XKR6: variants seen among roughly 807,000 people sequenced by gnomAD.
XKR6 encodes the protein XK related 6.
A neutral mutation model predicts 56.7 loss-of-function variants in XKR6; 22 were observed. The ratio of observed to expected loss-of-function variants is 0.39; its 90% CI spans 0.28 to 0.55. The LOEUF is 0.55. Ranked by LOEUF, XKR6 falls within the 20% of genes least tolerant of loss-of-function variation. The pLI is 0.66. For missense variants in XKR6, 852 were observed against 889.0 expected, an observed-to-expected ratio of 0.96 and a Z score of 0.53; for synonymous variants, 524 against 387.8, an observed-to-expected ratio of 1.35 and a Z score of -4.13.
At chr8:11,100,644 C>A (rs1347826484) in intron 1 of XKR6, among the ~76,000 whole-genome samples, 1 of 152,234 alleles carries the variant, frequency 6.6e-6, no homozygotes, top group African/African-American at 2.4e-5. Flanking sequence ...CTTGTAGCAA[C>A]TTCCTACACT....
chr8:10,994,953 G>C (rs749522275), intron 1 of XKR6, among the ~76,000 whole-genome samples: 1 of 152,278 alleles, frequency 6.6e-6, no homozygotes, highest in Non-Finnish European at 1.5e-5. Context: ...AGTGTCACAA[G>C]TCCCATCTTA....
intron 1 of XKR6, among the ~76,000 whole-genome samples, chr8:11,139,392 C>T (rs1800568058): frequency 1.3e-5 from 2 of 152,142 alleles, no homozygotes; most frequent in African/African-American, 2.4e-5. Context: ...GCACCAGCCA[C>T]TAGAGGAGGC....
intron 1 of XKR6, chr8:11,137,448 C>G (rs1042850782): frequency 7.3e-6 from 3 of 411,156 alleles, no homozygotes; most frequent in Non-Finnish European, 1.4e-5. Context: ...TGGACAGTCC[C>G]TTACATCTTC....
At chr8:10,919,134 T>G (rs906304136) in intron 2 of XKR6, among the ~76,000 whole-genome samples, 51 of 152,222 alleles carry the variant, frequency 3.4e-4, no homozygotes, top group African/African-American at 1.2e-3. Flanking sequence ...TCACCCCAAC[T>G]GCCAAGCTCC....
intron 1 of XKR6, among the ~76,000 whole-genome samples, chr8:11,163,606 T>C (rs1248058186): frequency 6.6e-6 from 1 of 152,218 alleles, no homozygotes; most frequent in South Asian, 2.1e-4. Context: ...TAACAAAATA[T>C]GCACTGAATG....
intron 2 of XKR6, among the ~76,000 whole-genome samples, chr8:10,909,620 G>A (rs1341563969): frequency 6.6e-6 from 1 of 152,168 alleles, no homozygotes; most frequent in East Asian, 1.9e-4. Flanking sequence ...GGCAAACAAG[G>A]GAAGGGATCA....
At chr8:11,005,150 G>T (rs1275231083) in intron 1 of XKR6, among the ~76,000 whole-genome samples, 1 of 146,348 alleles carries the variant, frequency 6.8e-6, no homozygotes, top group Non-Finnish European at 1.5e-5. Flanking sequence ...GGCAGGTAGT[G>T]TGTCCAGCAT....
intron 1 of XKR6, among the ~76,000 whole-genome samples, chr8:11,185,984 G>C (rs1462464656): frequency 6.6e-6 from 1 of 152,180 alleles, no homozygotes; most frequent in Non-Finnish European, 1.5e-5. Flanking sequence ...CTCAGACTAA[G>C]AATGCTTTTT....
At chr8:11,196,010 A>T (rs920938452) in intron 1 of XKR6, among the ~76,000 whole-genome samples, 1 of 151,958 alleles carries the variant, frequency 6.6e-6, no homozygotes, top group African/African-American at 2.4e-5. Flanking sequence ...ATTAATAAGC[A>T]TATAAAGTAC....
At position 11,047,075 on chromosome 8, in the gene XKR6, G is replaced by A. The variant is rs185228044; in HGVS notation, c.765-122245C>T. Among the ~76,000 whole-genome samples, 441 of 152,212 alleles carry A rather than the reference G, an allele frequency of 2.9e-3. 3 individuals are homozygous for A. Among genetic ancestry groups the A allele is most frequent in the Non-Finnish European group, 3.9e-3 (264 of 68,016 alleles). ...GATGAAAGAGTTCTGGAGCTCTAAC[G>A]CACAGCATGGTGACTATAGTTAATA... is the stretch of plus-strand genomic sequence containing the variant. On this transcript the variant is annotated intron_variant, in intron 1 of 2. Coordinates refer to ENST00000416569, the MANE Select transcript of XKR6 (RefSeq NM_173683.4).
chr8:11,081,706 A>G (rs1174891575), intron 1 of XKR6, among the ~76,000 whole-genome samples: 1 of 152,194 alleles, frequency 6.6e-6, no homozygotes, highest in Non-Finnish European at 1.5e-5. Flanking sequence ...ACCAAAGGAG[A>G]TGTAAACAAG....
At chr8:11,059,567 TC>T (rs1799776270) in intron 1 of XKR6, among the ~76,000 whole-genome samples, 1 of 151,700 alleles carries the variant, frequency 6.6e-6, no homozygotes, top group East Asian at 1.9e-4. Flanking sequence ...AGAGCTCGGC[TC>T]CTCTTCCAGG....
intron 1 of XKR6, among the ~76,000 whole-genome samples, chr8:10,971,742 G>C (rs1244209511): frequency 6.6e-6 from 1 of 152,172 alleles, no homozygotes. Context: ...AGAGAGGACG[G>C]ATGTGGGCTC....
chr8:11,117,782 T>A (rs1349713053), intron 1 of XKR6, among the ~76,000 whole-genome samples: 1 of 152,080 alleles, frequency 6.6e-6, no homozygotes, highest in Non-Finnish European at 1.5e-5. Flanking sequence ...TAGTAAATAT[T>A]AATATGAATA....
At chr8:11,136,635 A>G (rs545241747) in intron 1 of XKR6, among the ~76,000 whole-genome samples, 1 of 152,268 alleles carries the variant, frequency 6.6e-6, no homozygotes, top group African/African-American at 2.4e-5. Flanking sequence ...TTAGTACCCT[A>G]TCAGTAGAGA....
intron 1 of XKR6, among the ~76,000 whole-genome samples, chr8:11,081,928 G>T (rs537683827): frequency 3.1e-4 from 47 of 152,288 alleles, no homozygotes; most frequent in African/African-American, 1.1e-3. Flanking sequence ...CAACCAGCCC[G>T]ACAGGCAGTG....
intron 1 of XKR6, among the ~76,000 whole-genome samples, chr8:11,187,061 G>A (rs764805544): frequency 4.6e-5 from 7 of 152,176 alleles, no homozygotes; most frequent in Non-Finnish European, 8.8e-5. Flanking sequence ...ACTGGCTAGT[G>A]TTGCTCTTTT....
chr8:11,016,725 C>T lies in XKR6; in HGVS notation c.765-91895G>A, dbSNP rs563375115. The stretch of plus-strand genomic sequence containing the variant: ...CTCCGCGGCCAGCACTGGGGAGCGT[C>T]CTGGCCTGCGCTTGCTCCCCAACCC... On this transcript the variant is annotated intron_variant, in intron 1 of 2. Coordinates refer to ENST00000416569, the MANE Select transcript of XKR6 (RefSeq NM_173683.4). 4.6e-5 allele frequency among the ~76,000 whole-genome samples: 7 copies of T among 152,318 alleles called. No homozygotes were observed. The South Asian group carries it at 1.5e-3, about 32-fold the overall frequency.
chr8:10,940,510 G>C (rs979074952), intron 1 of XKR6, among the ~76,000 whole-genome samples: 5 of 152,194 alleles, frequency 3.3e-5, no homozygotes, highest in Non-Finnish European at 7.3e-5. Context: ...TCCCCCAAGT[G>C]GCATAGCAAG....
Sources: gnomAD v4.1 joint callset for allele counts (sites outside exome capture counted in the v4.1 genomes callset) on GRCh38, gnomAD v4.1.1 for gene constraint, MANE v1.5 for transcripts, NCBI Gene and HGNC (gene_info 2026-07-23, HGNC 2026-07-21) for gene names.